SIGLEC1: variants seen among roughly 807,000 people sequenced by gnomAD.
The protein encoded by SIGLEC1 is sialic acid binding Ig like lectin 1, also known as sialoadhesin.
SIGLEC1 carries 132 observed loss-of-function variants against 148.0 expected under a neutral mutation model. That is an observed-to-expected ratio of 0.89 (90% confidence interval 0.77 to 1.03). SIGLEC1 has a LOEUF of 1.03. Among genes scored for constraint, SIGLEC1 ranks in the 50% least tolerant of loss-of-function variants. The pLI, the probability that SIGLEC1 is intolerant of heterozygous loss-of-function variation, is 0.00. For synonymous variants in SIGLEC1, 945 were observed against 969.0 expected (o/e 0.98, Z 0.46); for missense variants, 2,253 against 2,271.4 (o/e 0.99, Z 0.16).
chr20:3,709,102 A>C (rs1199484879), intron 1 of SIGLEC1, among the ~76,000 whole-genome samples: 1 of 152,006 alleles, frequency 6.6e-6, no homozygotes, highest in Non-Finnish European at 1.5e-5. Flanking sequence ...CAGAGAGTGA[A>C]TAAAAGGAGG....
chr20:3,697,795 C>G lies in SIGLEC1; in HGVS notation c.2122+3G>C. On this transcript the variant is annotated splice_donor_region_variant and intron_variant, in intron 9 of 21. Transcript: ENST00000344754. The stretch of plus-strand genomic sequence containing the variant: ...CAGGCCACCCATTCCCTGCCTGACT[C>G]ACCCTGGCCATTGAAGGTGGCTGAG... 2.5e-6 allele frequency: 4 copies of G among 1,612,302 alleles called. No homozygotes were observed. The highest frequency in any genetic ancestry group is 3.4e-6 in the Non-Finnish European group (4 of 1,179,734).
chr20:3,704,115 T>C (rs2087875285), intron 4 of SIGLEC1, 24 bp from the exon 5 acceptor site: 2 of 1,601,048 alleles, frequency 1.2e-6, no homozygotes. Flanking sequence ...TAGGGGGTAT[T>C]GGGTAAGGTG....
At chr20:3,689,475 A>G in intron 20 of SIGLEC1, 125 bp downstream of exon 20, 1 of 684,966 alleles carries the variant, frequency 1.5e-6, no homozygotes, top group Non-Finnish European at 2.5e-6. Flanking sequence ...TTGGAGGGGC[A>G]GTCTGGGAAG....
Position 3,696,816 on chromosome 20 carries a change from G to A in SIGLEC1, c.2453C>T (p.Thr818Ile). The change falls in exon 11 of 22, where the codon ACT becomes ATT. Residue 818 changes from threonine (T) to isoleucine (I), a missense_variant. Physicochemically the swap from Thr to Ile is moderately conservative, Grantham distance 89. Transcript: ENST00000344754. The part of the protein sequence containing the change: ...GQGHMALFIC[T>I]VDSRPLALLA... ...CAAGGCCAGGGGGCGGCTGTCCACA[G>A]TGCAGATGAACAGAGCCATGTGGCC... 1.2e-6 allele frequency: 2 copies of A among 1,607,220 alleles called. No homozygotes were observed. Among genetic ancestry groups the A allele is most frequent in the Non-Finnish European group, 1.7e-6 (2 of 1,176,506 alleles).
chr20:3,705,942 G>A lies in SIGLEC1; in HGVS notation c.508C>T (p.Gln170Ter), dbSNP rs765469377. 1.9e-6 allele frequency: 3 copies of A among 1,614,120 alleles called. No individual in the cohort carries two copies. Among genetic ancestry groups the A allele is most frequent in the Middle Eastern group, 1.6e-4 (1 of 6,062 alleles). The change falls in exon 4 of 22, where the codon CAG becomes TAG. Residue 170 changes from glutamine (Q) to a stop codon, truncating the protein, a stop_gained. Coordinates refer to ENST00000344754, the MANE Select transcript of SIGLEC1 (RefSeq NM_023068.4). LOFTEE classifies it high-confidence loss of function. ...TGGCCTTGCCACTGCAGTCTGACCT[G>A]CTCCTGCAGGCATACGTAGGGAGTG... is the stretch of plus-strand genomic sequence containing the variant. ...CSTPYVCLQEQVRLQWQGQDP... is the reference protein window; with the variant it reads ...CSTPYVCLQE
Position 3,694,458 on chromosome 20 carries a change from C to T in SIGLEC1, c.3019G>A (p.Val1007Met). 6.2e-7 allele frequency: 1 copy of T among 1,607,580 alleles called. No individual in the cohort carries two copies. Among genetic ancestry groups the T allele is most frequent in the Non-Finnish European group, 8.5e-7 (1 of 1,176,080 alleles). ...PGRLGLLLCRVDSDPPAQLRL... is the reference protein window; with the variant it reads ...PGRLGLLLCRMDSDPPAQLRL... ...AGCTGGGCCGGAGGGTCACTGTCCA[C>T]ACGGCACAGGAGGAGGCCCAGTCGT... Residue 1007 changes from valine (V) to methionine (M), a missense_variant, in exon 13 of 22, where the codon GTG becomes ATG. By Grantham distance (21) the Val-to-Met change is conservative (BLOSUM62 1). Transcript: ENST00000344754.
chr20:3,709,714 T>C (rs942066102), intron 1 of SIGLEC1, among the ~76,000 whole-genome samples: 8 of 152,236 alleles, frequency 5.3e-5, no homozygotes, highest in Non-Finnish European at 8.8e-5. Flanking sequence ...GGTATGTACA[T>C]ACAATGGAAT....
At chr20:3,703,775 T>G (rs1448584778) in intron 5 of SIGLEC1, 50 bp downstream of exon 5, 12 of 1,607,008 alleles carry the variant, frequency 7.5e-6, no homozygotes, top group Non-Finnish European at 9.3e-6. Context: ...CCCTGAGGCC[T>G]GAGCTCCTCC....
intron 1 of SIGLEC1, among the ~76,000 whole-genome samples, chr20:3,709,046 CA>C (rs375193019): frequency 2.4e-3 from 191 of 80,014 alleles, no homozygotes; most frequent in Middle Eastern, 0.015. Context: ...TCTTCTGTCT[CA>C]AAAAAAAAAA....
rs763984798 is a variant in SIGLEC1, at chr20:3,701,625, T to A, written c.1245A>T (p.Pro415=). Reference sequence around the variant, plus strand: ...GGGTCTCCAGGAAGGCTGTCAGGACTGGAGTGAGAGGCGGGTCTGTGTGGA... The same window carrying A: ...GGGTCTCCAGGAAGGCTGTCAGGACAGGAGTGAGAGGCGGGTCTGTGTGGA... The part of the protein sequence containing the change: ...SVVVNHPPLT[P]VLTAFLETQA... The change falls in exon 7 of 22, where the codon CCA becomes CCT. Residue 415 remains proline, a synonymous_variant. Coordinates refer to ENST00000344754, the MANE Select transcript of SIGLEC1 (RefSeq NM_023068.4). The A allele has an allele frequency of 4.4e-6, 7 of 1,574,578 alleles. No individual in the cohort carries two copies. In the African/African-American group the frequency reaches 8.1e-5, roughly 18 times the overall value.
intron 1 of SIGLEC1, among the ~76,000 whole-genome samples, chr20:3,712,124 G>T (rs2087931935): frequency 6.6e-6 from 1 of 151,384 alleles, no homozygotes. Flanking sequence ...GGATGGTTGG[G>T]ATTAGATGAG....
rs1484592031 is a variant in SIGLEC1, at chr20:3,710,719, C to T, written c.-110+1751G>A. On this transcript the variant is annotated intron_variant, in intron 1 of 21. Coordinates refer to ENST00000344754, the MANE Select transcript of SIGLEC1 (RefSeq NM_023068.4). This position sits in a 1 kb window ranked among gnomAD's most constrained non-coding sequence, Gnocchi z 4.6. ...CATTTGGGGTCCTGAAAAGGGCAATCGTGAACCTGATGGAAGAATGGTGGG... is the reference window on the plus strand; with the variant it reads ...CATTTGGGGTCCTGAAAAGGGCAATTGTGAACCTGATGGAAGAATGGTGGG... Among the ~76,000 whole-genome samples, 7 of 152,192 alleles carry T rather than the reference C, an allele frequency of 4.6e-5. No individual in the cohort carries two copies. The highest frequency in any genetic ancestry group is 2.6e-4 in the Admixed American group (4 of 15,282).
Position 3,699,199 on chromosome 20 carries a change from C to T in SIGLEC1, c.1786+3G>A. ...GAGGCTGCAACAGGTGGTGGCTGCT[C>T]ACAGAGCACAGTGAGAACAGCTGGC... On this transcript the variant is annotated splice_donor_region_variant and intron_variant, in intron 8 of 21. Coordinates refer to ENST00000344754, the MANE Select transcript of SIGLEC1 (RefSeq NM_023068.4). 1.9e-6 allele frequency: 3 copies of T among 1,607,924 alleles called. No homozygotes were observed. The highest frequency in any genetic ancestry group is 2.5e-6 in the Non-Finnish European group (3 of 1,178,492).
chr20:3,711,372 G>A (rs1277072949), intron 1 of SIGLEC1, among the ~76,000 whole-genome samples: 1 of 152,216 alleles, frequency 6.6e-6, no homozygotes, highest in East Asian at 1.9e-4. Flanking sequence ...AGTGCCTCAG[G>A]AGGTCTTGGA....
In SIGLEC1 at chr20:3,703,243, G is replaced by C; in HGVS notation, c.1182C>G (p.Asn394Lys). The change falls in exon 6 of 22, where the codon AAC (asparagine) becomes AAG (lysine). Residue 394 changes from asparagine to lysine, a missense_variant. By Grantham distance (94) the Asn-to-Lys change is moderately conservative. Coordinates refer to ENST00000344754, the MANE Select transcript of SIGLEC1 (RefSeq NM_023068.4). ...GGCCCGAGCGCTCGCTGCCATGGAC[G>C]TTCTGCACCTCACAGAAGTAGAAGC... is the stretch of plus-strand genomic sequence containing the variant. The part of the protein sequence containing the change: ...DTGFYFCEVQ[N>K]VHGSERSGPV... 1.2e-6 allele frequency: 2 copies of C among 1,614,168 alleles called. No individual in the cohort carries two copies. Among genetic ancestry groups the C allele is most frequent in the Non-Finnish European group, 1.7e-6 (2 of 1,180,030 alleles).
chr20:3,691,526 C>G lies in SIGLEC1; in HGVS notation c.4405G>C (p.Gly1469Arg). 6.2e-7 allele frequency: 1 copy of G among 1,613,282 alleles called. No individual in the cohort carries two copies. Among genetic ancestry groups the G allele is most frequent in the Non-Finnish European group, 8.5e-7 (1 of 1,180,010 alleles). The change falls in exon 18 of 22, where the codon GGT becomes CGT. Residue 1469 changes from glycine to arginine, a missense_variant. Transcript: ENST00000344754. The stretch of plus-strand genomic sequence containing the variant: ...GAGTTGCCCACAGGCCCAGGGCCAC[C>G]CAGGAGGCGGCAGCTGAGGTTCAGG... ...AALNLSCRLL[G>R]GPGPVGNSTF...
At chr20:3,701,303 G>C in intron 7 of SIGLEC1, 39 bp downstream of exon 7, 2 of 1,543,478 alleles carry the variant, frequency 1.3e-6, no homozygotes, top group African/African-American at 1.4e-5. Context: ...TCCTCCTCAG[G>C]CTCCCTCCAC....
intron 7 of SIGLEC1, among the ~76,000 whole-genome samples, chr20:3,700,690 T>C (rs1382643146): frequency 8.2e-6 from 1 of 122,182 alleles, no homozygotes; most frequent in Non-Finnish European, 1.6e-5. Flanking sequence ...TTTTCTTTTT[T>C]CTTTTTCTTT....
chr20:3,699,682 C>T (rs2087834400), intron 7 of SIGLEC1, among the ~76,000 whole-genome samples: 1 of 152,208 alleles, frequency 6.6e-6, no homozygotes, highest in Non-Finnish European at 1.5e-5. Context: ...GGCTTATGTC[C>T]AACACCTGGC....
Sources: allele counts gnomAD v4.1 joint callset (sites outside exome capture counted in the v4.1 genomes callset), GRCh38; gene constraint gnomAD v4.1.1; non-coding constraint Gnocchi (gnomAD v3.1); transcripts MANE v1.5; gene names NCBI Gene and HGNC (gene_info 2026-07-23, HGNC 2026-07-21).